MOSPD3: variants seen among roughly 807,000 people sequenced by gnomAD.
MOSPD3 encodes motile sperm domain-containing protein 3.
In MOSPD3, 20 loss-of-function variants were observed where a neutral mutation model predicts 23.3. The ratio of observed to expected loss-of-function variants is 0.86; its 90% CI spans 0.61 to 1.25. The LOEUF (loss-of-function observed/expected upper bound fraction) is 1.25, where lower values mean the gene tolerates loss of function less well. MOSPD3 is among the 50% of genes most tolerant of loss of function. MOSPD3 has a pLI of 0.00. For missense variants in MOSPD3, 307 were observed against 315.7 expected (o/e 0.97, Z 0.21); for synonymous variants, 136 against 135.2 (o/e 1.01, Z -0.04).
chr7:100,614,293 G>A (rs562171146), intron 3 of MOSPD3, among the ~76,000 whole-genome samples: 4 of 150,978 alleles, frequency 2.6e-5, no homozygotes, highest in Non-Finnish European at 5.9e-5. Flanking sequence ...ATGGAACCCC[G>A]TCTCTACTAA....
rs778687879 is a variant in MOSPD3 at position 100,613,231 on chromosome 7, C to T, written c.243C>T (p.Asp81=). Residue 81 remains aspartate (D), a synonymous_variant, in exon 2 of 5, where the codon GAC becomes GAT. Transcript: ENST00000393950. ...CACCTGCCAAATACACGGTGTTTGA[C>T]GCAGAGGGATATGTGAAGCCCCAGT... ...CTAPAKYTVF[D]AEGYVKPQSC... is the part of the protein sequence containing the mutation. The T allele has an allele frequency of 2.2e-5, 36 of 1,613,948 alleles. No individual in the cohort carries two copies. The highest frequency in any genetic ancestry group is 2.5e-5 in the Non-Finnish European group (30 of 1,180,024).
chr7:100,612,889 C>T lies in MOSPD3; in HGVS notation c.98C>T (p.Pro33Leu). Residue 33 changes from proline to leucine, a missense_variant, in exon 1 of 5, where the codon CCG becomes CTG. Coordinates refer to ENST00000393950, the MANE Select transcript of MOSPD3 (RefSeq NM_023948.5). Reference protein sequence around the residue: ...GAPPPLGPVVPVLVFPPDLVF... With the variant: ...GAPPPLGPVVLVLVFPPDLVF... ...CCTCCTCCCTTGGGACCCGTTGTCC[C>T]GGTCCTGGTCTTTCCCCCGGATCTA... is the stretch of plus-strand genomic sequence containing the variant. 1.2e-6 allele frequency: 2 copies of T among 1,613,100 alleles called. No homozygotes were observed. Among genetic ancestry groups the T allele is most frequent in the Non-Finnish European group, 1.7e-6 (2 of 1,179,792 alleles).
rs774637188 is a variant in MOSPD3 at position 100,612,722 on chromosome 7, C to T, written c.-70C>T. 6 of 1,261,648 alleles carry T rather than the reference C, an allele frequency of 4.8e-6. No individual in the cohort carries two copies. In the East Asian group the frequency reaches 1.5e-4, roughly 31 times the overall value. The allele number at this position is 1,261,648 out of a possible 1,614,324, so 78.2% of individuals were successfully genotyped here. ...ATCTTGTCCCCTTTCGCCCCTCACG[C>T]CCCCCAGCTCTGACTCCAGGCCCTG... On this transcript the variant is annotated 5_prime_UTR_variant, in exon 1 of 5. Transcript: ENST00000393950.
Position 100,615,288 on chromosome 7 carries a change from C to T in MOSPD3, c.*105C>T. On this transcript the variant is annotated 3_prime_UTR_variant, in exon 5 of 5. Transcript: ENST00000393950. ...CTTGCCTCCTACCCTCTTCTCTTTCCTGCCTACTCCCCACTCCTCCCTGAC... is the reference window on the plus strand; with the variant it reads ...CTTGCCTCCTACCCTCTTCTCTTTCTTGCCTACTCCCCACTCCTCCCTGAC... 1 of 1,033,466 alleles carries T rather than the reference C, an allele frequency of 9.7e-7. No homozygotes were observed. The highest frequency in any genetic ancestry group is 2.5e-5 in the East Asian group (1 of 39,368). 64.0% of individuals were successfully genotyped at this position (1,033,466 alleles called of 1,614,324 possible).
Position 100,612,859 on chromosome 7 carries a change from G to A in MOSPD3, c.68G>A (p.Gly23Asp). 6.2e-7 allele frequency: 1 copy of A among 1,612,416 alleles called. No individual in the cohort carries two copies. Among genetic ancestry groups the A allele is most frequent in the South Asian group, 1.1e-5 (1 of 91,070 alleles). ...GGGCCCCCTGGGCGGGGGTCCCGGGGCGCCCCTCCTCCCTTGGGACCCGTT... is the reference window on the plus strand; with the variant it reads ...GGGCCCCCTGGGCGGGGGTCCCGGGACGCCCCTCCTCCCTTGGGACCCGTT... Reference protein sequence around the residue: ...GPGPPGRGSRGAPPPLGPVVP... With the variant: ...GPGPPGRGSRDAPPPLGPVVP... Residue 23 changes from glycine (G) to aspartate (D), a missense_variant, in exon 1 of 5, where the codon GGC becomes GAC. Physicochemically the swap from Gly to Asp is moderately conservative, Grantham distance 94. Transcript: ENST00000393950.
Position 100,614,915 on chromosome 7 carries a change from C to G in MOSPD3, c.560C>G (p.Thr187Arg), listed in dbSNP as rs778222272. The G allele has an allele frequency of 1.2e-6, 2 of 1,614,140 alleles. No homozygotes were observed. The part of the protein sequence containing the change: ...ATSSFLLFLL[T>R]GIVSVAFLLL... ...AGCTCCTTCCTCCTCTTCTTGCTGA[C>G]GGGGATTGTGTCTGTGGCCTTCCTG... Residue 187 changes from threonine (T) to arginine (R), a missense_variant, in exon 4 of 5, where the codon ACG becomes AGG. Coordinates refer to ENST00000393950, the MANE Select transcript of MOSPD3 (RefSeq NM_023948.5).
At position 100,613,579 on chromosome 7, in the gene MOSPD3, C is replaced by T; in HGVS notation, c.384C>T (p.Arg128=). ...GAGCTGAGGGCCGAGTGGTGGGACG[C>T]AAGGACATTACCTCCATTCTGAGAG... ...EEGAEGRVVG[R]KDITSILRAP... is the part of the protein sequence containing the mutation. Residue 128 remains arginine, a synonymous_variant, in exon 3 of 5, where the codon CGC becomes CGT. Coordinates refer to ENST00000393950, the MANE Select transcript of MOSPD3 (RefSeq NM_023948.5). 1.9e-6 allele frequency: 3 copies of T among 1,614,164 alleles called. No homozygotes were observed. Among genetic ancestry groups the T allele is most frequent in the Non-Finnish European group, 1.7e-6 (2 of 1,180,032 alleles).
Position 100,613,533 on chromosome 7 carries a change from G to T in MOSPD3, c.338G>T (p.Arg113Leu). 4 of 1,614,160 alleles carry T rather than the reference G, an allele frequency of 2.5e-6. No individual in the cohort carries two copies. Among genetic ancestry groups the T allele is most frequent in the Non-Finnish European group, 2.5e-6 (3 of 1,180,022 alleles). Reference protein sequence around the residue: ...PSHYDVQDRFRIELSEEGAEG... With the variant: ...PSHYDVQDRFLIELSEEGAEG... ...CACTATGATGTCCAGGACCGCTTCC[G>T]CATTGAGCTGTCTGAGGAAGGAGCT... is the stretch of plus-strand genomic sequence containing the variant. Residue 113 changes from arginine (R) to leucine (L), a missense_variant, in exon 3 of 5, where the codon CGC becomes CTC. Physicochemically the swap from Arg to Leu is moderately radical, Grantham distance 102. Transcript: ENST00000393950.
chr7:100,613,707 G>T lies in MOSPD3; in HGVS notation c.511+1G>T. On this transcript the variant is annotated splice_donor_variant, in intron 3 of 4. Transcript: ENST00000393950. LOFTEE classifies it high-confidence loss of function. ...CCCACGGCCAGACACTTCCAGGAGC[G>T]TGAGTTGGGAGACTGGGATCTTGAG... 1 of 1,610,948 alleles carries T rather than the reference G, an allele frequency of 6.2e-7. No homozygotes were observed. Among genetic ancestry groups the T allele is most frequent in the Non-Finnish European group, 8.5e-7 (1 of 1,179,664 alleles).
In MOSPD3 at chr7:100,612,960, C is replaced by T; in HGVS notation, c.169C>T (p.Leu57Phe). The change falls in exon 1 of 5, where the codon CTC becomes TTC. Residue 57 changes from leucine to phenylalanine, a missense_variant. Transcript: ENST00000393950. ...GAGCGGACCCCGACAGCTGCTGACC[C>T]TCTATAACCCCACAGGAACTGCGCT... ...QRSGPRQLLTLYNPTGTALRF... is the reference protein window; with the variant it reads ...QRSGPRQLLTFYNPTGTALRF... 6.2e-7 allele frequency: 1 copy of T among 1,614,050 alleles called. No homozygotes were observed.
intron 3 of MOSPD3, 166 bp downstream of exon 3, chr7:100,613,872 C>T: frequency 9.0e-6 from 6 of 666,962 alleles, no homozygotes; most frequent in Non-Finnish European, 5.0e-6. Context: ...GGGGAAAAGA[C>T]TTACAGCTTC....
At chr7:100,615,082 G>A in intron 4 of MOSPD3, 51 bp downstream of exon 4, 8 of 1,614,102 alleles carry the variant, frequency 5.0e-6, no homozygotes, top group South Asian at 3.3e-5. Flanking sequence ...AGGGAGAAGG[G>A]ACGGGAGGAG....
At position 100,612,796 on chromosome 7, in the gene MOSPD3, G is replaced by A. The variant is rs1802866126; in HGVS notation, c.5G>A (p.Arg2His). ...GTCCGACCGCCCAGAGCCTGCATGC[G>A]CCGTGGGGCGCCCCAGGACCAGGAG... MRRGAPQDQELV... is the reference protein window; with the variant it reads MHRGAPQDQELV... The change falls in exon 1 of 5, where the codon CGC becomes CAC. Residue 2 changes from arginine to histidine, a missense_variant. Physicochemically the swap from Arg to His is conservative, Grantham distance 29. Transcript: ENST00000393950. 4 of 1,584,348 alleles carry A rather than the reference G, an allele frequency of 2.5e-6. No individual in the cohort carries two copies. Among genetic ancestry groups the A allele is most frequent in the Middle Eastern group, 1.9e-4 (1 of 5,210 alleles).
chr7:100,612,811 A>T lies in MOSPD3; in HGVS notation c.20A>T (p.Gln7Leu). 5 of 1,595,792 alleles carry T rather than the reference A, an allele frequency of 3.1e-6. No individual in the cohort carries two copies. Among genetic ancestry groups the T allele is most frequent in the Non-Finnish European group, 4.3e-6 (5 of 1,174,322 alleles). MRRGAPQDQELVGPGPP... is the reference protein window; with the variant it reads MRRGAPLDQELVGPGPP... ...GCCTGCATGCGCCGTGGGGCGCCCC[A>T]GGACCAGGAGCTGGTGGGTCCGGGG... is the stretch of plus-strand genomic sequence containing the variant. Residue 7 changes from glutamine (Q) to leucine (L), a missense_variant, in exon 1 of 5, where the codon CAG (glutamine) becomes CTG (leucine). By Grantham distance (113) the Gln-to-Leu change is moderately radical. Coordinates refer to ENST00000393950, the MANE Select transcript of MOSPD3 (RefSeq NM_023948.5).
intron 3 of MOSPD3, 158 bp downstream of exon 3, chr7:100,613,864 G>A (rs959015574): frequency 2.7e-4 from 185 of 694,278 alleles, no homozygotes; most frequent in Non-Finnish European, 3.9e-4. Context: ...CAGGTGAGGG[G>A]GAAAAGACTT....
rs1158348074 is a variant in MOSPD3 at position 100,612,890 on chromosome 7, G to A, written c.99G>A (p.Pro33=). 2 of 1,613,276 alleles carry A rather than the reference G, an allele frequency of 1.2e-6. No individual in the cohort carries two copies. The highest frequency in any genetic ancestry group is 2.2e-5 in the East Asian group (1 of 44,832). ...GAPPPLGPVV[P]VLVFPPDLVF... ...CTCCTCCCTTGGGACCCGTTGTCCCGGTCCTGGTCTTTCCCCCGGATCTAG... is the reference window on the plus strand; with the variant it reads ...CTCCTCCCTTGGGACCCGTTGTCCCAGTCCTGGTCTTTCCCCCGGATCTAG... Residue 33 remains proline, a synonymous_variant, in exon 1 of 5, where the codon CCG becomes CCA. Transcript: ENST00000393950.
chr7:100,613,409 G>T (rs1402416916), intron 2 of MOSPD3, 68 bp from the exon 3 acceptor site: 2 of 1,568,088 alleles, frequency 1.3e-6, no homozygotes, highest in Non-Finnish European at 1.8e-6. Flanking sequence ...CTTCTGGGGG[G>T]AGGCCCAGAT....
In MOSPD3 at chr7:100,614,495, G is replaced by A. The variant is rs137881943; in HGVS notation, c.512-372G>A. 2.6e-5 allele frequency among the ~76,000 whole-genome samples: 4 copies of A among 151,968 alleles called. No homozygotes were observed. In the South Asian group the frequency reaches 6.2e-4, roughly 24 times the overall value. ...AAAAAAAAAAAAGTAGATACAGGGT[G>A]TGGTGACTCACACCTATAATCCCAG... On this transcript the variant is annotated intron_variant, in intron 3 of 4. Transcript: ENST00000393950.
At chr7:100,612,420 TCCGGGAACG>T (rs1393803473), upstream of MOSPD3, 1 of 162,140 alleles carries the variant, frequency 6.2e-6, no homozygotes, top group African/African-American at 2.4e-5. Flanking sequence ...GAGGCGGGCG[TCCGGGAACG>T]CCCGGAAGGG....
Sources: allele counts gnomAD v4.1 joint callset (sites outside exome capture counted in the v4.1 genomes callset), GRCh38; gene constraint gnomAD v4.1.1; transcripts MANE v1.5; gene names NCBI Gene and HGNC (gene_info 2026-07-23, HGNC 2026-07-21).